PKP2: variants seen among roughly 807,000 people sequenced by gnomAD.
The protein encoded by PKP2 is plakophilin 2.
Under a neutral mutation model 83.4 loss-of-function variants are expected in PKP2, and 73 were observed. The observed-to-expected ratio is 0.88, with a 90% confidence interval of 0.72 to 1.06. The LOEUF is 1.06. Ranked by LOEUF, PKP2 falls within the 50% of genes least tolerant of loss-of-function variation. PKP2 has a pLI of 0.00. For missense variants in PKP2, 966 were observed against 1,065.4 expected (o/e 0.91, Z 1.30); for synonymous variants, 409 against 430.4 (o/e 0.95, Z 0.62).
At chr12:32,806,019 G>C (rs1369362342) in intron 9 of PKP2, among the ~76,000 whole-genome samples, 1 of 152,174 alleles carries the variant, frequency 6.6e-6, no homozygotes, top group African/African-American at 2.4e-5. Flanking sequence ...CACGTTTATT[G>C]ATTTGCGAAT....
chr12:32,834,808 C>A (rs992469335), intron 6 of PKP2, among the ~76,000 whole-genome samples: 5 of 151,902 alleles, frequency 3.3e-5, no homozygotes, highest in African/African-American at 1.2e-4. Context: ...CAGACTTCTC[C>A]CGAATAATAA....
chr12:32,851,040 T>C (rs1218700042), intron 4 of PKP2, 67 bp from the exon 5 acceptor site: 24 of 1,286,958 alleles, frequency 1.9e-5, no homozygotes, highest in Non-Finnish European at 2.7e-5. Flanking sequence ...TTCAATGTAA[T>C]ACAAACAGAT....
In PKP2 at chr12:32,877,841, CT is replaced by C. The variant is rs397516983; in HGVS notation, c.1034+4del. The C allele has an allele frequency of 6.2e-7, 1 of 1,603,920 alleles. No individual in the cohort carries two copies. The highest frequency in any genetic ancestry group is 1.7e-5 in the Admixed American group (1 of 59,960). Reference sequence around the variant, plus strand: ...ACTGAACTGCAGAGTCAGGAGGGGACTTACCCCAGCTGGGAGTCAGTGAAAG... The same window carrying C: ...ACTGAACTGCAGAGTCAGGAGGGGACTACCCCAGCTGGGAGTCAGTGAAAG... On this transcript the variant is annotated splice_donor_region_variant and intron_variant, in intron 3 of 12. Coordinates refer to ENST00000340811, the MANE Select transcript of PKP2 (RefSeq NM_001005242.3).
intron 1 of PKP2, among the ~76,000 whole-genome samples, chr12:32,892,647 G>A (rs1474907612): frequency 5.9e-5 from 9 of 152,050 alleles, no homozygotes; most frequent in Admixed American, 6.6e-5. Context: ...ATATTGAAAA[G>A]CAGCTTCACC....
chr12:32,801,436 G>A (rs1023849271), intron 10 of PKP2, among the ~76,000 whole-genome samples: 8 of 152,154 alleles, frequency 5.3e-5, no homozygotes, highest in African/African-American at 1.9e-4. Flanking sequence ...CAGATTCACT[G>A]AGAATGTTCC....
intron 4 of PKP2, among the ~76,000 whole-genome samples, chr12:32,864,505 A>G (rs1485337119): frequency 2.0e-5 from 3 of 152,110 alleles, no homozygotes; most frequent in African/African-American, 7.2e-5. Flanking sequence ...AGTAAAAACT[A>G]TAAAACTCTG....
At chr12:32,881,339 C>A (rs1052047649) in intron 1 of PKP2, among the ~76,000 whole-genome samples, 2 of 152,142 alleles carry the variant, frequency 1.3e-5, no homozygotes, top group African/African-American at 2.4e-5. Flanking sequence ...TCCACAAGGG[C>A]TGGCAAAAGG....
In PKP2 at chr12:32,896,519, G is replaced by A. The variant is rs1173618581; in HGVS notation, c.213C>T (p.Ser71=). Residue 71 remains serine (S), a synonymous_variant, in exon 1 of 13, where the codon TCC becomes TCT. Transcript: ENST00000340811. ...QQTLARKGRS[S]VGNGNLHRTS... is the part of the protein sequence containing the mutation. ...GCGGGCTCCACTCACCGTTGCCCAC[G>A]GAGCTGCGGCCCTTCCGGGCGAGGG... The A allele has an allele frequency of 4.5e-5, 69 of 1,534,096 alleles. No individual in the cohort carries two copies. The highest frequency in any genetic ancestry group is 5.8e-5 in the Non-Finnish European group (66 of 1,145,200).
intron 1 of PKP2, among the ~76,000 whole-genome samples, chr12:32,880,298 G>C (rs899400626): frequency 1.3e-5 from 2 of 152,122 alleles, no homozygotes; most frequent in East Asian, 3.9e-4. Flanking sequence ...TACTCGGGAG[G>C]CTGAGGCAGG....
chr12:32,861,661 T>C (rs1474513451), intron 4 of PKP2, among the ~76,000 whole-genome samples: 1 of 152,110 alleles, frequency 6.6e-6, no homozygotes, highest in Non-Finnish European at 1.5e-5. Flanking sequence ...TGATGCAAAG[T>C]AGAAATTCAC....
At chr12:32,877,271 G>A (rs1956940444) in intron 3 of PKP2, among the ~76,000 whole-genome samples, 1 of 152,230 alleles carries the variant, frequency 6.6e-6, no homozygotes, top group East Asian at 1.9e-4. Flanking sequence ...AAATAGGAAT[G>A]GAAAGGAATG....
chr12:32,888,194 C>A (rs1957047187), intron 1 of PKP2, among the ~76,000 whole-genome samples: 1 of 152,170 alleles, frequency 6.6e-6, no homozygotes, highest in Non-Finnish European at 1.5e-5. Flanking sequence ...AATGAATACA[C>A]TGTTCATTTC....
chr12:32,825,901 A>T (rs1478249648), intron 6 of PKP2, among the ~76,000 whole-genome samples: 4 of 152,086 alleles, frequency 2.6e-5, no homozygotes. Flanking sequence ...CTAAAAAATT[A>T]ACAAAATAAA....
chr12:32,810,537 A>AC (rs1956267258), intron 9 of PKP2, among the ~76,000 whole-genome samples: 1 of 151,974 alleles, frequency 6.6e-6, no homozygotes, highest in African/African-American at 2.4e-5. Context: ...TCACACCCAC[A>AC]CCTCTGCACA....
intron 6 of PKP2, among the ~76,000 whole-genome samples, chr12:32,835,793 A>G (rs1956541523): frequency 6.6e-6 from 1 of 152,094 alleles, no homozygotes. Context: ...GGAGGGGGAG[A>G]TGTCTGACTT....
At chr12:32,819,577 C>T (rs2137767145) in intron 9 of PKP2, among the ~76,000 whole-genome samples, 1 of 152,194 alleles carries the variant, frequency 6.6e-6, no homozygotes, top group Admixed American at 6.6e-5. Flanking sequence ...AGACTATTAC[C>T]CAACACAGGG....
chr12:32,840,620 T>G (rs1956581468), intron 6 of PKP2, among the ~76,000 whole-genome samples: 1 of 152,164 alleles, frequency 6.6e-6, no homozygotes, highest in African/African-American at 2.4e-5. Context: ...TATTCATCTT[T>G]GTATAGCCTT....
intron 4 of PKP2, among the ~76,000 whole-genome samples, chr12:32,864,996 C>A (rs372931850): frequency 1.8e-4 from 28 of 152,276 alleles, no homozygotes; most frequent in African/African-American, 6.5e-4. Flanking sequence ...TGTTTCACAT[C>A]CCCAGTTTTC....
At chr12:32,801,811 T>C (rs986104084) in intron 10 of PKP2, among the ~76,000 whole-genome samples, 16 of 152,332 alleles carry the variant, frequency 1.1e-4, no homozygotes, top group African/African-American at 3.8e-4. Flanking sequence ...AGTACCGTTA[T>C]CATCTCTGTC....
Sources: gnomAD v4.1 joint callset for allele counts (sites outside exome capture counted in the v4.1 genomes callset) on GRCh38, gnomAD v4.1.1 for gene constraint, MANE v1.5 for transcripts, NCBI Gene and HGNC (gene_info 2026-07-23, HGNC 2026-07-21) for gene names.